Variants in ARID4B observed in about 807,000 individuals in gnomAD.
ARID4B encodes AT-rich interaction domain 4B.
Under a neutral mutation model 147.5 loss-of-function variants are expected in ARID4B, and 26 were observed. That is an observed-to-expected ratio of 0.18 (90% CI 0.13 to 0.24). The LOEUF is 0.24. Ranked by LOEUF, ARID4B falls within the 10% of genes least tolerant of loss-of-function variation. ARID4B has a pLI of 1.00. For synonymous variants in ARID4B, 512 were observed against 507.9 expected (o/e 1.01, Z -0.11); for missense variants, 1,179 against 1,511.5 (o/e 0.78, Z 3.65).
intron 8 of ARID4B, among the ~76,000 whole-genome samples, chr1:235,239,569 G>C (rs994298920): frequency 3.9e-5 from 6 of 152,064 alleles, no homozygotes; most frequent in Admixed American, 2.0e-4. Flanking sequence ...GTCTATACAT[G>C]GCCCTTTCAA....
intron 19 of ARID4B, among the ~76,000 whole-genome samples, chr1:235,183,359 C>A (rs948097955): frequency 5.3e-5 from 8 of 151,946 alleles, no homozygotes; most frequent in Non-Finnish European, 1.2e-4. Flanking sequence ...CAGGCGCCCA[C>A]CACCACGCCC....
At chr1:235,174,774 T>G (rs919466420) in intron 22 of ARID4B, among the ~76,000 whole-genome samples, 36 of 151,862 alleles carry the variant, frequency 2.4e-4, no homozygotes, top group African/African-American at 8.5e-4. Context: ...ACTATGCCAC[T>G]GCACTGCACT....
chr1:235,324,929 C>T (rs1675114859), intron 2 of ARID4B, among the ~76,000 whole-genome samples: 1 of 151,930 alleles, frequency 6.6e-6, no homozygotes, highest in Non-Finnish European at 1.5e-5. Context: ...TAAAAAAGAA[C>T]GAAAGAAATT....
intron 17 of ARID4B, among the ~76,000 whole-genome samples, chr1:235,196,997 A>G (rs574718978): frequency 1.3e-5 from 2 of 152,232 alleles, no homozygotes; most frequent in African/African-American, 4.8e-5. Context: ...GTATTCTGAA[A>G]TGCTCCCTAC....
intron 2 of ARID4B, among the ~76,000 whole-genome samples, chr1:235,274,088 G>C (rs1262825910): frequency 1.3e-5 from 2 of 151,996 alleles, no homozygotes; most frequent in Non-Finnish European, 2.9e-5. Context: ...AAAAGTAATT[G>C]CATGCCAGGC....
At chr1:235,184,262 T>C (rs570116865) in intron 19 of ARID4B, among the ~76,000 whole-genome samples, 2 of 152,176 alleles carry the variant, frequency 1.3e-5, no homozygotes, top group African/African-American at 4.8e-5. Flanking sequence ...TAAGATAACA[T>C]TTCCTGAGAA....
Position 235,168,645 on chromosome 1 carries a change from A to G in ARID4B, c.3819T>C (p.Ala1273=), listed in dbSNP as rs1663103836. 3.1e-6 allele frequency: 5 copies of G among 1,613,478 alleles called. No individual in the cohort carries two copies. In the East Asian group the frequency reaches 8.9e-5, roughly 29 times the overall value. ...RLKKKERESA[A]TSSSSSSPSS... The stretch of plus-strand genomic sequence containing the variant: ...AAGGTGAAGAGGAGGATGAGGATGT[A>G]GCAGCACCTAAGGAAAAGGGAGACC... The change falls in exon 24 of 24, where the codon GCT becomes GCC. Residue 1273 remains alanine, a synonymous_variant. Coordinates refer to ENST00000264183, the MANE Select transcript of ARID4B (RefSeq NM_016374.6).
At chr1:235,298,540 T>A (rs1672910087) in intron 2 of ARID4B, among the ~76,000 whole-genome samples, 1 of 148,496 alleles carries the variant, frequency 6.7e-6, no homozygotes. Flanking sequence ...TATATCCATA[T>A]ATATGAATAC....
chr1:235,179,728 A>C (rs1026765874), intron 20 of ARID4B, among the ~76,000 whole-genome samples: 4 of 151,842 alleles, frequency 2.6e-5, no homozygotes, highest in African/African-American at 9.7e-5. Flanking sequence ...TGTTAATTTT[A>C]ATCTTTTGTA....
At chr1:235,210,849 C>T (rs1421054558) in intron 17 of ARID4B, among the ~76,000 whole-genome samples, 2 of 150,306 alleles carry the variant, frequency 1.3e-5, no homozygotes, top group Admixed American at 1.3e-4. Flanking sequence ...CCTTTCCCTT[C>T]CTGCTATTTA....
chr1:235,244,533 A>G (rs189325883), intron 7 of ARID4B, among the ~76,000 whole-genome samples: 1 of 152,284 alleles, frequency 6.6e-6, no homozygotes, highest in East Asian at 1.9e-4. Context: ...AAAATACTTG[A>G]ACTTACTAGG....
chr1:235,190,585 T>A (rs974887921), intron 19 of ARID4B, among the ~76,000 whole-genome samples: 37 of 151,968 alleles, frequency 2.4e-4, no homozygotes, highest in Admixed American at 7.9e-4. Flanking sequence ...AAAAAACAAT[T>A]CAACACTGCC....
At chr1:235,205,249 C>T (rs779504733) in intron 17 of ARID4B, among the ~76,000 whole-genome samples, 10 of 151,924 alleles carry the variant, frequency 6.6e-5, no homozygotes, top group Admixed American at 1.3e-4. Context: ...ATGAAGGACA[C>T]AAAACATTTT....
At chr1:235,272,518 C>CT (rs2103149638) in intron 2 of ARID4B, among the ~76,000 whole-genome samples, 1 of 152,152 alleles carries the variant, frequency 6.6e-6, no homozygotes, top group South Asian at 2.1e-4. Flanking sequence ...TCAGAAGCGT[C>CT]TTATATAAAC....
Position 235,168,647 on chromosome 1 carries a change from C to G in ARID4B, c.3817G>C (p.Ala1273Pro), listed in dbSNP as rs746175090. Residue 1273 changes from alanine (A) to proline (P), a missense_variant, in exon 24 of 24, where the codon GCT (alanine) becomes CCT (proline). This residue lies in a region of ARID4B where 357 missense variants were observed against 427.3 expected (regional missense o/e 0.84). Transcript: ENST00000264183. ...RLKKKERESAATSSSSSSPSS... is the reference protein window; with the variant it reads ...RLKKKERESAPTSSSSSSPSS... ...GGTGAAGAGGAGGATGAGGATGTAG[C>G]AGCACCTAAGGAAAAGGGAGACCAA... 3 of 1,613,340 alleles carry G rather than the reference C, an allele frequency of 1.9e-6. No homozygotes were observed. Among genetic ancestry groups the G allele is most frequent in the African/African-American group, 1.3e-5 (1 of 75,022 alleles).
chr1:235,272,413 T>A (rs1162242285), intron 2 of ARID4B, among the ~76,000 whole-genome samples: 1 of 152,198 alleles, frequency 6.6e-6, no homozygotes, highest in Non-Finnish European at 1.5e-5. Context: ...CATGAGATAA[T>A]TGTTAACACA....
intron 2 of ARID4B, among the ~76,000 whole-genome samples, chr1:235,312,668 T>G (rs772444060): frequency 6.6e-6 from 1 of 151,678 alleles, no homozygotes; most frequent in Non-Finnish European, 1.5e-5. Context: ...CAAAGAATAT[T>G]CAGATTAAAA....
intron 11 of ARID4B, among the ~76,000 whole-genome samples, chr1:235,228,129 A>T (rs1667948245): frequency 6.6e-6 from 1 of 151,800 alleles, no homozygotes; most frequent in Non-Finnish European, 1.5e-5. Flanking sequence ...CATGAGCCAC[A>T]GTACCCGGCC....
chr1:235,320,487 G>C (rs759994594), intron 2 of ARID4B, among the ~76,000 whole-genome samples: 3 of 152,116 alleles, frequency 2.0e-5, no homozygotes, highest in Non-Finnish European at 4.4e-5. Flanking sequence ...CCTTCTGACT[G>C]ATCTCCCTAC....
Sources: allele counts gnomAD v4.1 joint callset (sites outside exome capture counted in the v4.1 genomes callset), GRCh38; gene constraint gnomAD v4.1.1; regional missense constraint gnomAD v4.1.1; transcripts MANE v1.5; gene names NCBI Gene and HGNC (gene_info 2026-07-23, HGNC 2026-07-21).